ADAMTS19: variants seen among roughly 807,000 people sequenced by gnomAD.
ADAMTS19 encodes the protein ADAM metallopeptidase with thrombospondin type 1 motif 19.
ADAMTS19 carries 93 observed loss-of-function variants against 153.3 expected under a neutral mutation model. That is an observed-to-expected ratio of 0.61 (90% CI 0.51 to 0.72). ADAMTS19 has a LOEUF of 0.72. ADAMTS19 is among the 30% of genes least tolerant of loss of function. The pLI is 0.00. For synonymous variants in ADAMTS19, 600 were observed against 556.6 expected (o/e 1.08, Z -1.10); for missense variants, 1,482 against 1,552.1 (o/e 0.95, Z 0.76).
At chr5:129,578,979 T>A (rs564007634) in intron 7 of ADAMTS19, among the ~76,000 whole-genome samples, 3 of 152,162 alleles carry the variant, frequency 2.0e-5, no homozygotes, top group Non-Finnish European at 2.9e-5. Context: ...GCTGGGTCAA[T>A]TGGTATTTCT....
chr5:129,693,979 G>A (rs1188077805), intron 18 of ADAMTS19, among the ~76,000 whole-genome samples: 1 of 152,150 alleles, frequency 6.6e-6, no homozygotes, highest in Non-Finnish European at 1.5e-5. Flanking sequence ...TTATTATAAA[G>A]CACTAATGAT....
chr5:129,709,126 A>T lies in ADAMTS19; in HGVS notation c.3312+4735A>T, dbSNP rs149175818. Among the ~76,000 whole-genome samples the T allele has an allele frequency of 2.5e-3, 375 of 152,210 alleles. 1 individual carries two copies. The highest frequency in any genetic ancestry group is 8.6e-3 in the African/African-American group (359 of 41,570). ...AGACAAATGAAGAATCTAAAAACTAATTTTTTCCTAATGAATAAGCAAAAT... is the reference window on the plus strand; with the variant it reads ...AGACAAATGAAGAATCTAAAAACTATTTTTTTCCTAATGAATAAGCAAAAT... On this transcript the variant is annotated intron_variant, in intron 21 of 22. Transcript: ENST00000274487.
At chr5:129,730,925 GTTTTT>G (rs1757414324) in intron 21 of ADAMTS19, among the ~76,000 whole-genome samples, 3 of 135,146 alleles carry the variant, frequency 2.2e-5, no homozygotes, top group East Asian at 2.3e-4. Flanking sequence ...TAGTGTTGTT[GTTTTT>G]TTGTTTTGTT....
At chr5:129,488,467 T>A (rs1750667142) in intron 2 of ADAMTS19, among the ~76,000 whole-genome samples, 1 of 152,018 alleles carries the variant, frequency 6.6e-6, no homozygotes, top group Non-Finnish European at 1.5e-5. Flanking sequence ...AATTGTTGAG[T>A]GGTGTTTAAG....
In ADAMTS19 at chr5:129,461,042, G is replaced by T. The variant is rs1324726701; in HGVS notation, c.92-60G>T. 7.7e-7 allele frequency: 1 copy of T among 1,291,598 alleles called. No homozygotes were observed. The highest frequency in any genetic ancestry group is 3.9e-5 in the Admixed American group (1 of 25,456). 80.0% of individuals were successfully genotyped at this position (1,291,598 alleles called of 1,614,324 possible). On this transcript the variant is annotated intron_variant, in intron 1 of 22. Coordinates refer to ENST00000274487, the MANE Select transcript of ADAMTS19 (RefSeq NM_133638.6). This position sits in a 1 kb window ranked among gnomAD's most constrained non-coding sequence, Gnocchi z 4.6. ...ATCTATGGACTGTGAGCTTGGAAATGTTTGTGCTACTGGAACCGCGGCACT... is the reference window on the plus strand; with the variant it reads ...ATCTATGGACTGTGAGCTTGGAAATTTTTGTGCTACTGGAACCGCGGCACT...
At chr5:129,583,240 C>T (rs937765693) in intron 7 of ADAMTS19, among the ~76,000 whole-genome samples, 1 of 152,154 alleles carries the variant, frequency 6.6e-6, no homozygotes, top group Non-Finnish European at 1.5e-5. Flanking sequence ...TATTGGCCCC[C>T]AATCTATTCT....
intron 19 of ADAMTS19, 82 bp from the exon 20 acceptor site, chr5:129,701,302 GTCTT>G: frequency 6.8e-7 from 1 of 1,467,298 alleles, no homozygotes; most frequent in Non-Finnish European, 9.4e-7. Context: ...TCTTGGGTAT[GTCTT>G]TATTAGCAGT....
intron 21 of ADAMTS19, among the ~76,000 whole-genome samples, chr5:129,734,173 T>C (rs918154365): frequency 1.3e-5 from 2 of 151,660 alleles, no homozygotes; most frequent in Non-Finnish European, 2.9e-5. Context: ...AAATAGACAT[T>C]GAGGTCTCCA....
At chr5:129,719,624 C>T (rs1204003210) in intron 21 of ADAMTS19, among the ~76,000 whole-genome samples, 1 of 152,204 alleles carries the variant, frequency 6.6e-6, no homozygotes, top group Non-Finnish European at 1.5e-5. Context: ...GGAACATTTT[C>T]TCTAACAGCA....
intron 10 of ADAMTS19, among the ~76,000 whole-genome samples, chr5:129,623,936 C>T (rs1030814123): frequency 3.3e-5 from 5 of 150,644 alleles, no homozygotes; most frequent in East Asian, 2.0e-4. Context: ...CTGGCTAACA[C>T]GGTGAAACCC....
chr5:129,484,259 T>G (rs905071465), intron 2 of ADAMTS19, among the ~76,000 whole-genome samples: 1 of 152,160 alleles, frequency 6.6e-6, no homozygotes, highest in Non-Finnish European at 1.5e-5. Flanking sequence ...AACACCCAGA[T>G]TTCATGAATG....
chr5:129,547,620 A>G (rs1386038939), intron 6 of ADAMTS19, among the ~76,000 whole-genome samples: 2 of 150,626 alleles, frequency 1.3e-5, no homozygotes, highest in Non-Finnish European at 2.9e-5. Context: ...AATAGATTCA[A>G]TGCCATCCCC....
chr5:129,576,337 A>C (rs1754100305), intron 7 of ADAMTS19, among the ~76,000 whole-genome samples: 1 of 151,850 alleles, frequency 6.6e-6, no homozygotes, highest in Non-Finnish European at 1.5e-5. Flanking sequence ...CTTGCCAAAG[A>C]TGTAGAAGTG....
intron 21 of ADAMTS19, among the ~76,000 whole-genome samples, chr5:129,719,411 G>C (rs1291906856): frequency 6.6e-6 from 1 of 152,094 alleles, no homozygotes. Flanking sequence ...AGTGACAAAT[G>C]ACTAGCTAGT....
chr5:129,538,025 T>G (rs139501135), intron 6 of ADAMTS19, among the ~76,000 whole-genome samples: 1 of 152,050 alleles, frequency 6.6e-6, no homozygotes, highest in African/African-American at 2.4e-5. Context: ...AGGGGACTTA[T>G]AAGGTTTGAG....
At chr5:129,554,057 GTAT>G (rs1334942514) in intron 7 of ADAMTS19, among the ~76,000 whole-genome samples, 1 of 152,096 alleles carries the variant, frequency 6.6e-6, no homozygotes, top group African/African-American at 2.4e-5. Context: ...TAAGTGCTAG[GTAT>G]TATATTAGGT....
chr5:129,622,285 C>T lies in ADAMTS19; in HGVS notation c.1707C>T (p.Tyr569=), dbSNP rs567353968. The change falls in exon 10 of 23, where the codon TAC becomes TAT. Residue 569 remains tyrosine, a synonymous_variant. Coordinates refer to ENST00000274487, the MANE Select transcript of ADAMTS19 (RefSeq NM_133638.6). ...CCTCCAAGCTGCCAGGGATGACATA[C>T]ACTGCTGATGAACAATGCCAGATCC... The part of the protein sequence containing the change: ...MVPSKLPGMT[Y]TADEQCQILF... The T allele has an allele frequency of 1.2e-6, 2 of 1,614,120 alleles. No individual in the cohort carries two copies. The highest frequency in any genetic ancestry group is 1.1e-5 in the South Asian group (1 of 91,084).
At chr5:129,654,534 A>G in intron 14 of ADAMTS19, 101 bp downstream of exon 14, 2 of 1,336,208 alleles carry the variant, frequency 1.5e-6, no homozygotes, top group East Asian at 2.4e-5. Context: ...ACTTAGATTC[A>G]AAAGATGTTG....
intron 6 of ADAMTS19, among the ~76,000 whole-genome samples, chr5:129,530,337 T>G (rs1581044710): frequency 6.6e-6 from 1 of 152,122 alleles, no homozygotes; most frequent in Non-Finnish European, 1.5e-5. Context: ...AGAAAAATTA[T>G]TTGAAGACAT....
Sources: gnomAD v4.1 joint callset for allele counts (sites outside exome capture counted in the v4.1 genomes callset) on GRCh38, gnomAD v4.1.1 for gene constraint, Gnocchi (gnomAD v3.1) non-coding constraint, MANE v1.5 for transcripts, NCBI Gene and HGNC (gene_info 2026-07-23, HGNC 2026-07-21) for gene names.